Variants in CDC42SE2 observed in about 807,000 individuals in gnomAD.
CDC42SE2 encodes CDC42 small effector 2, also known as CDC42 small effector protein 2.
Under a neutral mutation model 11.5 loss-of-function variants are expected in CDC42SE2, and 3 were observed. The ratio of observed to expected loss-of-function variants is 0.26; its 90% CI spans 0.12 to 0.67. CDC42SE2 has a LOEUF of 0.67. Among genes scored for constraint, CDC42SE2 ranks in the 30% least tolerant of loss-of-function variants. The pLI is 0.80. For missense variants in CDC42SE2, 82 were observed against 106.8 expected, an observed-to-expected ratio of 0.77 and a Z score of 1.02; for synonymous variants, 33 against 34.8, an observed-to-expected ratio of 0.95 and a Z score of 0.18.
chr5:131,346,295 G>A (rs904262844), intron 2 of CDC42SE2, among the ~76,000 whole-genome samples: 3 of 152,078 alleles, frequency 2.0e-5, no homozygotes, highest in Non-Finnish European at 1.5e-5. Context: ...TCAAAATAAA[G>A]GGATGGAGGA....
At chr5:131,266,676 T>C (rs965750748) in intron 1 of CDC42SE2, among the ~76,000 whole-genome samples, 1 of 152,138 alleles carries the variant, frequency 6.6e-6, no homozygotes, top group Admixed American at 6.5e-5. Context: ...CAGGCTGGTC[T>C]CGAACTCCTG....
the CDC42SE2 span, among the ~76,000 whole-genome samples, chr5:131,214,802 T>G: frequency 6.6e-6 from 1 of 152,176 alleles, no homozygotes; most frequent in Admixed American, 6.5e-5. Flanking sequence ...GGTGAGACCA[T>G]TCCCATCAGT....
At chr5:131,337,381 T>TG (rs1758597705) in intron 2 of CDC42SE2, among the ~76,000 whole-genome samples, 1 of 152,186 alleles carries the variant, frequency 6.6e-6, no homozygotes, top group African/African-American at 2.4e-5. Context: ...CTGCCCCTAC[T>TG]GGGGGGTGCC....
chr5:131,390,880 T>A, intron 4 of CDC42SE2, 113 bp from the exon 5 acceptor site: 1 of 587,824 alleles, frequency 1.7e-6, no homozygotes. Context: ...TCTATAAAAG[T>A]ACCCTTCTGA....
At chr5:131,311,433 T>C (rs1266510335) in intron 1 of CDC42SE2, among the ~76,000 whole-genome samples, 1 of 151,738 alleles carries the variant, frequency 6.6e-6, no homozygotes, top group Non-Finnish European at 1.5e-5. Context: ...GGAGTTGCTC[T>C]TCTCAAGGAG....
chr5:131,253,726 T>C (rs188516522), intron 1 of CDC42SE2, among the ~76,000 whole-genome samples: 2 of 152,068 alleles, frequency 1.3e-5, no homozygotes, highest in East Asian at 3.9e-4. Flanking sequence ...GATTGCACCA[T>C]TGCACTCCAG....
the CDC42SE2 span, among the ~76,000 whole-genome samples, chr5:131,235,761 A>AT: frequency 6.6e-6 from 1 of 151,746 alleles, no homozygotes; most frequent in African/African-American, 2.4e-5. Context: ...CACCCGGCTA[A>AT]TTTTTGTATA....
upstream of CDC42SE2, among the ~76,000 whole-genome samples, chr5:131,262,592 C>A (rs1163441129): frequency 6.6e-6 from 1 of 152,046 alleles, no homozygotes; most frequent in Admixed American, 6.6e-5. Flanking sequence ...TACAGGCATA[C>A]CTCAGTATCC....
intron 1 of CDC42SE2, among the ~76,000 whole-genome samples, chr5:131,254,624 C>T (rs1756665857): frequency 6.6e-6 from 1 of 151,792 alleles, no homozygotes; most frequent in Non-Finnish European, 1.5e-5. Context: ...GTGCATTGCT[C>T]CTATTACCCA....
At chr5:131,261,798 C>G (rs1264606055), upstream of CDC42SE2, among the ~76,000 whole-genome samples, 11 of 148,456 alleles carry the variant, frequency 7.4e-5, no homozygotes. Context: ...TGCAGAGAGC[C>G]GAGATAGCAC....
At chr5:131,263,234 TAA>T (rs1330242633), upstream of CDC42SE2, among the ~76,000 whole-genome samples, 15 of 151,864 alleles carry the variant, frequency 9.9e-5, no homozygotes, top group Admixed American at 6.6e-4. Context: ...ATGGATGATA[TAA>T]AGTTTTTGGC....
At chr5:131,278,329 T>C (rs1260657096) in intron 1 of CDC42SE2, among the ~76,000 whole-genome samples, 1 of 152,138 alleles carries the variant, frequency 6.6e-6, no homozygotes, top group Non-Finnish European at 1.5e-5. Context: ...ATTTAAAATG[T>C]CAAAAGCCTA....
At chr5:131,360,418 C>G (rs1218802396) in intron 3 of CDC42SE2, among the ~76,000 whole-genome samples, 1 of 152,200 alleles carries the variant, frequency 6.6e-6, no homozygotes, top group East Asian at 1.9e-4. Flanking sequence ...CTGCACCTGG[C>G]CTCCTTTTCA....
chr5:131,317,952 G>T (rs111306371), intron 2 of CDC42SE2, among the ~76,000 whole-genome samples: 269 of 150,992 alleles, frequency 1.8e-3, no homozygotes, highest in African/African-American at 6.2e-3. Context: ...GTCTCACTCT[G>T]TTGCCCAGGC....
chr5:131,351,630 C>T (rs1759014613), intron 2 of CDC42SE2, among the ~76,000 whole-genome samples: 1 of 152,130 alleles, frequency 6.6e-6, no homozygotes, highest in Admixed American at 6.5e-5. Context: ...GCTAGAACAA[C>T]TGGATATCCA....
chr5:131,275,750 A>G (rs1385474201), intron 1 of CDC42SE2, among the ~76,000 whole-genome samples: 1 of 152,012 alleles, frequency 6.6e-6, no homozygotes, highest in East Asian at 1.9e-4. Flanking sequence ...GCTCGATGGT[A>G]TCCTGTGCAT....
chr5:131,221,112 C>A, the CDC42SE2 span, among the ~76,000 whole-genome samples: 99 of 152,212 alleles, frequency 6.5e-4, no homozygotes, highest in African/African-American at 2.3e-3. Context: ...TCTCAAACTC[C>A]TGACCTCATG....
the CDC42SE2 span, among the ~76,000 whole-genome samples, chr5:131,223,385 G>C: frequency 1.3e-5 from 2 of 152,050 alleles, no homozygotes; most frequent in African/African-American, 2.4e-5. Flanking sequence ...TGTCTGGGGG[G>C]GCACAGCTGC....
chr5:131,211,563 A>G, the CDC42SE2 span, among the ~76,000 whole-genome samples: 1 of 152,144 alleles, frequency 6.6e-6, no homozygotes, highest in African/African-American at 2.4e-5. Flanking sequence ...TTGAATGGCA[A>G]TTGTTAATTC....
Sources: allele counts gnomAD v4.1 joint callset (sites outside exome capture counted in the v4.1 genomes callset), GRCh38; gene constraint gnomAD v4.1.1; transcripts MANE v1.5; gene names NCBI Gene and HGNC (gene_info 2026-07-23, HGNC 2026-07-21).